TAFA1: variants seen among roughly 807,000 people sequenced by gnomAD.
TAFA1 encodes the protein chemokine-like protein TAFA-1.
Under a neutral mutation model 18.5 loss-of-function variants are expected in TAFA1, and 4 were observed. That is an observed-to-expected ratio of 0.22 (90% CI 0.11 to 0.49). The LOEUF is 0.49. TAFA1 is among the 20% of genes least tolerant of loss of function. The pLI, the probability that TAFA1 is intolerant of heterozygous loss-of-function variation, is 0.98. For missense variants in TAFA1, 147 were observed against 169.0 expected (o/e 0.87, Z 0.72); for synonymous variants, 56 against 55.2 (o/e 1.01, Z -0.06).
chr3:68,417,383 G>A lies in TAFA1; in HGVS notation c.222G>A (p.Val74=), dbSNP rs761370819. The A allele has an allele frequency of 6.2e-7, 1 of 1,613,576 alleles. No homozygotes were observed. Among genetic ancestry groups the A allele is most frequent in the African/African-American group, 1.3e-5 (1 of 74,994 alleles). ...TVKCSCLPGK[V]AGTTRNRPSC... ...AGTGTTCCTGTCTACCTGGAAAAGTGGCTGGAACAACAAGAAACCGGCCTT... is the reference window on the plus strand; with the variant it reads ...AGTGTTCCTGTCTACCTGGAAAAGTAGCTGGAACAACAAGAAACCGGCCTT... Residue 74 remains valine, a synonymous_variant, in exon 3 of 5, where the codon GTG becomes GTA. Coordinates refer to ENST00000478136, the MANE Select transcript of TAFA1 (RefSeq NM_213609.4).
At chr3:68,224,751 A>T (rs1575690212) in intron 2 of TAFA1, among the ~76,000 whole-genome samples, 1 of 152,146 alleles carries the variant, frequency 6.6e-6, no homozygotes, top group Middle Eastern at 3.4e-3. Context: ...CAACTTCTAA[A>T]ATACTTTTAG....
At chr3:68,042,171 C>T (rs1194699522) in intron 2 of TAFA1, among the ~76,000 whole-genome samples, 1 of 152,170 alleles carries the variant, frequency 6.6e-6, no homozygotes, top group Non-Finnish European at 1.5e-5. Context: ...CCCTAATTTG[C>T]ATTACCTGCC....
rs138473846 is a variant in TAFA1 at position 68,035,899 on chromosome 3, C to G, written c.118+29155C>G. ...GGGCTGAATCTCAATTGCATTAGTG[C>G]TAAGTGAAAGCAGCCAGACAAAAAA... On this transcript the variant is annotated intron_variant, in intron 2 of 4. Coordinates refer to ENST00000478136, the MANE Select transcript of TAFA1 (RefSeq NM_213609.4). Among the ~76,000 whole-genome samples the G allele has an allele frequency of 1.6e-3, 248 of 152,242 alleles. 3 individuals are homozygous for G. The highest frequency in any genetic ancestry group is 5.5e-3 in the African/African-American group (229 of 41,538).
rs187330219 is a variant in TAFA1, at chr3:68,404,916, T to C, written c.119-12364T>C. Among the ~76,000 whole-genome samples the C allele has an allele frequency of 1.6e-4, 25 of 152,320 alleles. 1 individual carries two copies. The highest frequency in any genetic ancestry group is 5.5e-4 in the African/African-American group (23 of 41,576). Reference sequence around the variant, plus strand: ...AAGTGGACAGTATTTTACAGCCACTTCTTCCTTGAGTATCTCAGATTTTGT... The same window carrying C: ...AAGTGGACAGTATTTTACAGCCACTCCTTCCTTGAGTATCTCAGATTTTGT... On this transcript the variant is annotated intron_variant, in intron 2 of 4. Transcript: ENST00000478136.
intron 3 of TAFA1, among the ~76,000 whole-genome samples, chr3:68,529,380 A>G (rs1296435863): frequency 1.5e-5 from 2 of 133,792 alleles, no homozygotes; most frequent in Non-Finnish European, 1.5e-5. Context: ...ATCTTCCCCT[A>G]CCTACCCTTT....
intron 3 of TAFA1, among the ~76,000 whole-genome samples, chr3:68,504,901 G>A (rs185298771): frequency 1.7e-4 from 26 of 152,254 alleles, no homozygotes; most frequent in African/African-American, 6.3e-4. Context: ...TGCTAAAAGT[G>A]AGGAGGGTAT....
intron 2 of TAFA1, among the ~76,000 whole-genome samples, chr3:68,094,854 G>T (rs1313993154): frequency 6.6e-6 from 1 of 152,160 alleles, no homozygotes; most frequent in Non-Finnish European, 1.5e-5. Context: ...TCAGAGAAGA[G>T]AAGGGAGAAA....
At chr3:68,290,953 T>G (rs184760586) in intron 2 of TAFA1, among the ~76,000 whole-genome samples, 14 of 152,278 alleles carry the variant, frequency 9.2e-5, no homozygotes, top group African/African-American at 2.9e-4. Flanking sequence ...TAATAAGTTC[T>G]TGCATGTTTT....
At chr3:68,272,246 G>A (rs1036982539) in intron 2 of TAFA1, among the ~76,000 whole-genome samples, 3 of 152,220 alleles carry the variant, frequency 2.0e-5, no homozygotes, top group East Asian at 1.9e-4. Flanking sequence ...GGGAGGCAGC[G>A]TAGTAGCAAG....
intron 2 of TAFA1, among the ~76,000 whole-genome samples, chr3:68,303,660 G>T (rs557111180): frequency 6.6e-6 from 1 of 151,870 alleles, no homozygotes; most frequent in African/African-American, 2.4e-5. Flanking sequence ...TGTGTTAGCC[G>T]GGATGGTCTT....
At chr3:68,282,390 C>G (rs182283503) in intron 2 of TAFA1, among the ~76,000 whole-genome samples, 1 of 151,124 alleles carries the variant, frequency 6.6e-6, no homozygotes, top group African/African-American at 2.4e-5. Context: ...CTTCCAATGA[C>G]TTTGTGGAGT....
intron 3 of TAFA1, among the ~76,000 whole-genome samples, chr3:68,495,905 A>T (rs954134685): frequency 2.0e-5 from 3 of 150,590 alleles, no homozygotes; most frequent in Non-Finnish European, 4.4e-5. Flanking sequence ...TAGTGATTTC[A>T]GAAGCGTCCT....
intron 2 of TAFA1, among the ~76,000 whole-genome samples, chr3:68,130,598 G>A (rs2065524058): frequency 6.6e-6 from 1 of 152,138 alleles, no homozygotes; most frequent in African/African-American, 2.4e-5. Context: ...AGAATAAAAT[G>A]CCAAGTTTGT....
At chr3:68,360,449 C>T (rs183324485) in intron 2 of TAFA1, among the ~76,000 whole-genome samples, 95 of 151,956 alleles carry the variant, frequency 6.3e-4, no homozygotes, top group East Asian at 1.4e-3. Context: ...AGCAAGATGC[C>T]AAATTCACTC....
intron 2 of TAFA1, among the ~76,000 whole-genome samples, chr3:68,086,423 G>A (rs1347253371): frequency 6.6e-6 from 1 of 152,184 alleles, no homozygotes; most frequent in Non-Finnish European, 1.5e-5. Context: ...GATTTCAGCA[G>A]CATGTGTATT....
Position 68,497,823 on chromosome 3 carries a change from T to C in TAFA1, c.260-40933T>C, listed in dbSNP as rs78230711. On this transcript the variant is annotated intron_variant, in intron 3 of 4. Transcript: ENST00000478136. ...TGTTTCTTAGTACAGCTTTGACTGC[T>C]GTGCATAGAAATAGCTGTAGCCCAG... is the stretch of plus-strand genomic sequence containing the variant. Among the ~76,000 whole-genome samples, 761 of 152,324 alleles carry C rather than the reference T, an allele frequency of 5.0e-3. 7 individuals carry two copies. Among genetic ancestry groups the C allele is most frequent in the Middle Eastern group, 0.027 (8 of 294 alleles).
chr3:68,108,848 AAAT>A (rs1324938457), intron 2 of TAFA1, among the ~76,000 whole-genome samples: 1 of 152,146 alleles, frequency 6.6e-6, no homozygotes, highest in Non-Finnish European at 1.5e-5. Flanking sequence ...TAGAAGTAGA[AAAT>A]AATATTTAAC....
At chr3:68,429,201 G>A (rs763125524) in intron 3 of TAFA1, among the ~76,000 whole-genome samples, 5 of 151,976 alleles carry the variant, frequency 3.3e-5, no homozygotes, top group Non-Finnish European at 5.9e-5. Context: ...GTCTGTCCAT[G>A]TCACCTGGCA....
At chr3:68,020,986 G>A (rs1704675842) in intron 2 of TAFA1, among the ~76,000 whole-genome samples, 2 of 151,902 alleles carry the variant, frequency 1.3e-5, no homozygotes, top group Admixed American at 1.3e-4. Flanking sequence ...AGGAGTTTGG[G>A]ACCAGCCTGG....
Sources: gnomAD v4.1 joint callset for allele counts (sites outside exome capture counted in the v4.1 genomes callset) on GRCh38, gnomAD v4.1.1 for gene constraint, MANE v1.5 for transcripts, NCBI Gene and HGNC (gene_info 2026-07-23, HGNC 2026-07-21) for gene names.